HS3ST4: variants seen among roughly 807,000 people sequenced by gnomAD.
HS3ST4 encodes heparan sulfate-glucosamine 3-sulfotransferase 4.
A neutral mutation model predicts 29.2 loss-of-function variants in HS3ST4; 17 were observed. The ratio of observed to expected loss-of-function variants is 0.58; its 90% CI spans 0.40 to 0.87. The LOEUF (loss-of-function observed/expected upper bound fraction) is 0.87, where lower values mean the gene tolerates loss of function less well. Ranked by LOEUF, HS3ST4 falls within the 40% of genes least tolerant of loss-of-function variation. HS3ST4 has a pLI of 0.00. For synonymous variants in HS3ST4, 314 were observed against 285.7 expected (o/e 1.10, Z -1.00); for missense variants, 627 against 634.5 (o/e 0.99, Z 0.13).
chr16:25,817,941 G>C (rs1485986251), intron 1 of HS3ST4, among the ~76,000 whole-genome samples: 1 of 152,142 alleles, frequency 6.6e-6, no homozygotes, highest in African/African-American at 2.4e-5. Flanking sequence ...TCACTGGAAG[G>C]CAGGAATTAG....
At chr16:25,845,160 C>T (rs1967452128) in intron 1 of HS3ST4, among the ~76,000 whole-genome samples, 1 of 152,034 alleles carries the variant, frequency 6.6e-6, no homozygotes, top group African/African-American at 2.4e-5. Context: ...ACCTTTGTTA[C>T]CTATGTAACA....
intron 1 of HS3ST4, among the ~76,000 whole-genome samples, chr16:26,104,712 G>T (rs1475977775): frequency 6.6e-6 from 1 of 152,122 alleles, no homozygotes; most frequent in Non-Finnish European, 1.5e-5. Flanking sequence ...GTCTCAAAAA[G>T]CACCTCAAAA....
intron 1 of HS3ST4, among the ~76,000 whole-genome samples, chr16:26,043,549 C>T (rs546874479): frequency 2.8e-4 from 42 of 152,262 alleles, no homozygotes; most frequent in African/African-American, 9.6e-4. Context: ...CACATCATGA[C>T]GTTCTAGTGA....
intron 1 of HS3ST4, among the ~76,000 whole-genome samples, chr16:25,991,355 C>G (rs564040540): frequency 6.6e-6 from 1 of 152,060 alleles, no homozygotes; most frequent in African/African-American, 2.4e-5. Flanking sequence ...ATATTTAACA[C>G]GTTTAATCAC....
intron 1 of HS3ST4, among the ~76,000 whole-genome samples, chr16:26,126,826 G>A (rs1232228641): frequency 6.6e-6 from 1 of 152,208 alleles, no homozygotes; most frequent in Non-Finnish European, 1.5e-5. Flanking sequence ...AATGTTGACA[G>A]TGCTGAAGTT....
At chr16:25,995,566 C>A (rs1279394859) in intron 1 of HS3ST4, among the ~76,000 whole-genome samples, 1 of 152,156 alleles carries the variant, frequency 6.6e-6, no homozygotes, top group Non-Finnish European at 1.5e-5. Context: ...ATCCCTGAAC[C>A]AACCAGGAGA....
At chr16:25,753,631 A>G (rs778170804) in intron 1 of HS3ST4, among the ~76,000 whole-genome samples, 2 of 152,152 alleles carry the variant, frequency 1.3e-5, no homozygotes, top group Non-Finnish European at 2.9e-5. Context: ...GATATCAAGT[A>G]ACGAGTCCTA....
chr16:26,081,861 T>C (rs1449588826), intron 1 of HS3ST4, among the ~76,000 whole-genome samples: 1 of 147,806 alleles, frequency 6.8e-6, no homozygotes, highest in Non-Finnish European at 1.5e-5. Context: ...AATGGCATGA[T>C]CTTGGCTCAC....
Position 26,037,039 on chromosome 16 carries a change from T to G in HS3ST4, c.735-98573T>G, listed in dbSNP as rs1051668382. Among the ~76,000 whole-genome samples the G allele has an allele frequency of 3.9e-5, 6 of 152,194 alleles. 1 individual carries two copies. The highest frequency in any genetic ancestry group is 3.9e-4 in the Admixed American group (6 of 15,280). On this transcript the variant is annotated intron_variant, in intron 1 of 1. Coordinates refer to ENST00000331351, the MANE Select transcript of HS3ST4 (RefSeq NM_006040.3). Reference sequence around the variant, plus strand: ...CTTAAATTAATAAGAACCCTCCCATTGTGTGACTTTTGGTGTGGGTACCAA... The same window carrying G: ...CTTAAATTAATAAGAACCCTCCCATGGTGTGACTTTTGGTGTGGGTACCAA...
At chr16:26,108,288 ATATTAT>A (rs1282521488) in intron 1 of HS3ST4, among the ~76,000 whole-genome samples, 1 of 152,156 alleles carries the variant, frequency 6.6e-6, no homozygotes, top group East Asian at 1.9e-4. Context: ...CACTAGTGGC[ATATTAT>A]TAGGTATTTT....
At chr16:26,059,598 T>C (rs1338161643) in intron 1 of HS3ST4, among the ~76,000 whole-genome samples, 1 of 152,122 alleles carries the variant, frequency 6.6e-6, no homozygotes, top group African/African-American at 2.4e-5. Context: ...GGTTTCCATC[T>C]CCATCCTCCT....
chr16:25,916,489 A>G (rs1968294121), intron 1 of HS3ST4, among the ~76,000 whole-genome samples: 1 of 151,496 alleles, frequency 6.6e-6, no homozygotes, highest in Non-Finnish European at 1.5e-5. Context: ...CAGCCTACCG[A>G]GTAGCTGGGA....
chr16:26,063,555 G>A (rs1898506519), intron 1 of HS3ST4, among the ~76,000 whole-genome samples: 1 of 151,848 alleles, frequency 6.6e-6, no homozygotes, highest in Admixed American at 6.6e-5. Flanking sequence ...AAATTAGCTA[G>A]GTGTGGTGGT....
intron 1 of HS3ST4, among the ~76,000 whole-genome samples, chr16:25,766,354 T>G (rs1966819127): frequency 6.6e-6 from 1 of 151,872 alleles, no homozygotes. Flanking sequence ...GTAGAAGGAG[T>G]ATTTCTACCC....
At chr16:25,886,088 A>G (rs1041277978) in intron 1 of HS3ST4, among the ~76,000 whole-genome samples, 1 of 121,146 alleles carries the variant, frequency 8.3e-6, no homozygotes, top group African/African-American at 3.2e-5. Context: ...GCTGGAGTGC[A>G]GGGGCATGAT....
chr16:25,883,710 T>C (rs1289088993), intron 1 of HS3ST4, among the ~76,000 whole-genome samples: 1 of 152,204 alleles, frequency 6.6e-6, no homozygotes, highest in Non-Finnish European at 1.5e-5. Context: ...CATCATCTAA[T>C]TTTCACAGCA....
chr16:26,073,429 C>T lies in HS3ST4; in HGVS notation c.735-62183C>T, dbSNP rs200239730. 5.9e-5 allele frequency among the ~76,000 whole-genome samples: 9 copies of T among 152,092 alleles called. No individual in the cohort carries two copies. In the East Asian group the frequency reaches 1.7e-3, roughly 29 times the overall value. Reference sequence around the variant, plus strand: ...TCACTCTGTTACCCAGGCTGGAGTGCAGTGACGTGATCTTGGCTCACTGTA... The same window carrying T: ...TCACTCTGTTACCCAGGCTGGAGTGTAGTGACGTGATCTTGGCTCACTGTA... On this transcript the variant is annotated intron_variant, in intron 1 of 1. Coordinates refer to ENST00000331351, the MANE Select transcript of HS3ST4 (RefSeq NM_006040.3).
chr16:26,030,975 A>AGCAC (rs1404060486), intron 1 of HS3ST4, among the ~76,000 whole-genome samples: 1 of 152,250 alleles, frequency 6.6e-6, no homozygotes, highest in Non-Finnish European at 1.5e-5. Context: ...GACAGTGCCT[A>AGCAC]GCACGTAGGA....
At chr16:26,125,245 C>CTTTT (rs1899326116) in intron 1 of HS3ST4, among the ~76,000 whole-genome samples, 1 of 152,184 alleles carries the variant, frequency 6.6e-6, no homozygotes, top group African/African-American at 2.4e-5. Flanking sequence ...ACTGGCACCA[C>CTTTT]GGACCAGTTT....
Sources: allele counts gnomAD v4.1 joint callset (sites outside exome capture counted in the v4.1 genomes callset), GRCh38; gene constraint gnomAD v4.1.1; transcripts MANE v1.5; gene names NCBI Gene and HGNC (gene_info 2026-07-23, HGNC 2026-07-21).